The following MAP3K5 variants were observed in gnomAD, a reference collection of about 807,000 sequenced individuals.
The protein encoded by MAP3K5 is mitogen-activated protein kinase kinase kinase 5.
Under a neutral mutation model 158.7 loss-of-function variants are expected in MAP3K5, and 56 were observed. The observed-to-expected ratio is 0.35, with a 90% CI of 0.28 to 0.44. MAP3K5 has a LOEUF of 0.44. MAP3K5 is among the 20% of genes least tolerant of loss of function. The pLI is 1.00. For missense variants in MAP3K5, 1,294 were observed against 1,674.8 expected (o/e 0.77, Z 3.97); for synonymous variants, 579 against 601.7 (o/e 0.96, Z 0.55).
At chr6:136,564,185 A>G (rs531043128) in intron 26 of MAP3K5, among the ~76,000 whole-genome samples, 2 of 152,306 alleles carry the variant, frequency 1.3e-5, no homozygotes, top group East Asian at 3.9e-4. Flanking sequence ...CAGTCCCTGG[A>G]AAAGAGCCTT....
intron 25 of MAP3K5, among the ~76,000 whole-genome samples, chr6:136,575,682 A>G (rs914890826): frequency 6.6e-6 from 1 of 152,126 alleles, no homozygotes; most frequent in African/African-American, 2.4e-5. Flanking sequence ...TTTGAGGTTC[A>G]CTGACGTCTT....
At chr6:136,568,162 G>A (rs1774204073) in intron 25 of MAP3K5, among the ~76,000 whole-genome samples, 1 of 152,168 alleles carries the variant, frequency 6.6e-6, no homozygotes, top group Non-Finnish European at 1.5e-5. Flanking sequence ...CATATGTGGG[G>A]AAAATGCTAG....
At chr6:136,652,446 C>G (rs1376698309) in intron 10 of MAP3K5, among the ~76,000 whole-genome samples, 4 of 152,268 alleles carry the variant, frequency 2.6e-5, no homozygotes, top group South Asian at 4.1e-4. Context: ...GAATCAAAAT[C>G]TTAATTCCAA....
chr6:136,759,978 A>G (rs1562681739), intron 1 of MAP3K5, among the ~76,000 whole-genome samples: 1 of 152,100 alleles, frequency 6.6e-6, no homozygotes, highest in Non-Finnish European at 1.5e-5. Context: ...TTTTCAAAGA[A>G]TAGGTTCTAT....
Position 136,634,223 on chromosome 6 carries a change from T to C in MAP3K5, c.2016+3102A>G, listed in dbSNP as rs547642830. ...ATATATAATGGAGAGTTATAAGTTA[T>C]GCAAAAATGTAAGTTAAGGCTTAAT... On this transcript the variant is annotated intron_variant, in intron 14 of 29. Coordinates refer to ENST00000359015, the MANE Select transcript of MAP3K5 (RefSeq NM_005923.4). Among the ~76,000 whole-genome samples the C allele has an allele frequency of 1.2e-4, 19 of 152,362 alleles. No homozygotes were observed. In the South Asian group the frequency reaches 3.5e-3, roughly 28 times the overall value.
chr6:136,649,130 C>T (rs1305916618), intron 11 of MAP3K5, among the ~76,000 whole-genome samples: 5 of 152,234 alleles, frequency 3.3e-5, no homozygotes, highest in Non-Finnish European at 4.4e-5. Flanking sequence ...CCACCACGCC[C>T]GGCTAATTTT....
At chr6:136,737,528 C>T (rs549060839) in intron 1 of MAP3K5, among the ~76,000 whole-genome samples, 1 of 152,302 alleles carries the variant, frequency 6.6e-6, no homozygotes, top group African/African-American at 2.4e-5. Flanking sequence ...GGGCAGCCCC[C>T]GCCATGTATC....
intron 1 of MAP3K5, among the ~76,000 whole-genome samples, chr6:136,773,770 C>T (rs567605256): frequency 1.3e-5 from 2 of 152,224 alleles, no homozygotes; most frequent in South Asian, 4.1e-4. Context: ...GCCTAAGCCT[C>T]CCAAGTAACT....
chr6:136,683,454 G>A (rs1780018540), intron 7 of MAP3K5, among the ~76,000 whole-genome samples: 1 of 152,162 alleles, frequency 6.6e-6, no homozygotes, highest in South Asian at 2.1e-4. Flanking sequence ...GCCACCCATG[G>A]CCATAGCAAG....
intron 23 of MAP3K5, among the ~76,000 whole-genome samples, chr6:136,590,970 C>A (rs1461382263): frequency 1.3e-5 from 2 of 152,108 alleles, no homozygotes; most frequent in Non-Finnish European, 2.9e-5. Flanking sequence ...TGGGAGGGAC[C>A]AAGTGGGAGG....
intron 1 of MAP3K5, among the ~76,000 whole-genome samples, chr6:136,769,418 T>C (rs1221391463): frequency 6.6e-6 from 1 of 152,002 alleles, no homozygotes; most frequent in East Asian, 1.9e-4. Context: ...GTTTTGGAAT[T>C]AGATATTGGT....
intron 25 of MAP3K5, among the ~76,000 whole-genome samples, chr6:136,572,326 T>A (rs188837794): frequency 2.6e-5 from 4 of 152,230 alleles, no homozygotes; most frequent in Non-Finnish European, 5.9e-5. Context: ...TGGCACGATC[T>A]TGGCTCACTG....
intron 11 of MAP3K5, among the ~76,000 whole-genome samples, chr6:136,645,105 A>AT (rs1778188046): frequency 6.6e-6 from 1 of 151,728 alleles, no homozygotes; most frequent in African/African-American, 2.4e-5. Context: ...ATTTTTTTAA[A>AT]TTTTTTTGTA....
At chr6:136,749,886 A>C (rs1783124338) in intron 1 of MAP3K5, among the ~76,000 whole-genome samples, 1 of 152,130 alleles carries the variant, frequency 6.6e-6, no homozygotes, top group African/African-American at 2.4e-5. Context: ...CCAGTATTTA[A>C]TGCTCACGGT....
In MAP3K5 at chr6:136,687,529, A is replaced by AC. The variant is rs200527858; in HGVS notation, c.1253+6610dup. 1.9e-3 allele frequency among the ~76,000 whole-genome samples: 292 copies of AC among 152,346 alleles called. 7 individuals are homozygous for AC. The East Asian group carries it at 0.035, about 18-fold the overall frequency. On this transcript the variant is annotated intron_variant, in intron 7 of 29. Transcript: ENST00000359015. ...AAAATTTTTGCTATCTATCCATTTG[A>AC]CAAAGGGCTAATATCCAGAATCTAC...
chr6:136,691,329 G>A (rs1780377564), intron 7 of MAP3K5, among the ~76,000 whole-genome samples: 1 of 152,084 alleles, frequency 6.6e-6, no homozygotes, highest in African/African-American at 2.4e-5. Flanking sequence ...GACCACTCAA[G>A]GCTGGGCACG....
In MAP3K5 at chr6:136,642,531, G is replaced by A; in HGVS notation, c.1827C>T (p.Val609=). ...CCAAGGAAACTTACCTCACTCCCCTGACAGAAGAGGCACTAAAATTCCACT... is the reference window on the plus strand; with the variant it reads ...CCAAGGAAACTTACCTCACTCCCCTAACAGAAGAGGCACTAAAATTCCACT... ...IHEWNFSASS[V]RGVSISKFEE... The change falls in exon 12 of 30, where the codon GTC becomes GTT. Residue 609 remains valine (V), a synonymous_variant. Transcript: ENST00000359015. The A allele has an allele frequency of 2.5e-6, 4 of 1,609,904 alleles. No individual in the cohort carries two copies. The highest frequency in any genetic ancestry group is 3.4e-6 in the Non-Finnish European group (4 of 1,176,462).
At chr6:136,650,609 G>C (rs1778476760) in intron 11 of MAP3K5, among the ~76,000 whole-genome samples, 1 of 152,118 alleles carries the variant, frequency 6.6e-6, no homozygotes. Context: ...ATTAAAAGTG[G>C]CATCATTCTG....
chr6:136,626,441 G>A (rs886785930), intron 14 of MAP3K5, among the ~76,000 whole-genome samples: 2 of 152,176 alleles, frequency 1.3e-5, no homozygotes, highest in African/African-American at 4.8e-5. Context: ...TAGATGATCA[G>A]AGTGACCAGG....
Sources: allele counts gnomAD v4.1 joint callset (sites outside exome capture counted in the v4.1 genomes callset), GRCh38; gene constraint gnomAD v4.1.1; transcripts MANE v1.5; gene names NCBI Gene and HGNC (gene_info 2026-07-23, HGNC 2026-07-21).